REL: variants seen among roughly 807,000 people sequenced by gnomAD.
REL encodes proto-oncogene c-Rel.
Under a neutral mutation model 45.9 loss-of-function variants are expected in REL, and 15 were observed. That is an observed-to-expected ratio of 0.33 (90% confidence interval 0.22 to 0.50). The LOEUF is 0.50. Ranked by LOEUF, REL falls within the 20% of genes least tolerant of loss-of-function variation. REL has a pLI of 0.98. For synonymous variants in REL, 239 were observed against 242.1 expected (o/e 0.99, Z 0.12); for missense variants, 601 against 715.2 (o/e 0.84, Z 1.82).
In REL at chr2:60,930,139, AC is replaced by A. The variant is rs1674354601; in HGVS notation, c.*7607del. 1 of 152,266 alleles carries A rather than the reference AC, an allele frequency of 6.6e-6. No individual in the cohort carries two copies. The highest frequency in any genetic ancestry group is 1.5e-5 in the Non-Finnish European group (1 of 68,036). 9.4% of individuals were successfully genotyped at this position (152,266 alleles called of 1,614,324 possible). On this transcript the variant is annotated 3_prime_UTR_variant, in exon 10 of 10. Transcript: ENST00000394479. ...AATAGGGACTTTTTACTCAGGTAAT[AC>A]CCAGCCTGCTACCTAACAGGTTGTG... is the stretch of plus-strand genomic sequence containing the variant.
chr2:60,925,270 G>A lies in REL; in HGVS notation c.*2735G>A, dbSNP rs533691330. 2.7e-4 allele frequency: 52 copies of A among 194,814 alleles called. No homozygotes were observed. The highest frequency in any genetic ancestry group is 4.4e-4 in the Non-Finnish European group (41 of 93,610). The allele number at this position is 194,814 out of a possible 1,614,324, so 12.1% of individuals were successfully genotyped here. ...AACCATAACTTTACATAAACTAGTCGTTTCGGTCAAATAGAAAAATGTGTG... is the reference window on the plus strand; with the variant it reads ...AACCATAACTTTACATAAACTAGTCATTTCGGTCAAATAGAAAAATGTGTG... On this transcript the variant is annotated 3_prime_UTR_variant, in exon 10 of 10. Transcript: ENST00000394479.
chr2:60,890,405 T>C (rs1023447351), intron 1 of REL, among the ~76,000 whole-genome samples: 2 of 152,214 alleles, frequency 1.3e-5, no homozygotes, highest in African/African-American at 2.4e-5. Context: ...TGTTAAGAAG[T>C]AGCTGGGGTA....
chr2:60,881,653 A>T lies in REL; in HGVS notation c.-188A>T, dbSNP rs1263524120. On this transcript the variant is annotated 5_prime_UTR_variant, in exon 1 of 10. Coordinates refer to ENST00000394479, the MANE Select transcript of REL (RefSeq NM_001291746.2). ...ACGCTGGGTGACCCGGGGTGCAAGA[A>T]TTCAGGGGTTGGGAAGGTGTGAGCC... 9.5e-6 allele frequency: 5 copies of T among 527,398 alleles called. No homozygotes were observed. In the East Asian group the frequency reaches 1.7e-4, roughly 18 times the overall value. 32.7% of individuals were successfully genotyped at this position (527,398 alleles called of 1,614,324 possible). A position where few individuals can be genotyped will look rare whatever the true frequency, so the allele number is the denominator to read the frequency against.
Position 60,918,539 on chromosome 2 carries a change from G to T in REL, c.786G>T (p.Gln262His). 1 of 1,614,126 alleles carries T rather than the reference G, an allele frequency of 6.2e-7. No individual in the cohort carries two copies. Among genetic ancestry groups the T allele is most frequent in the Non-Finnish European group, 8.5e-7 (1 of 1,180,014 alleles). Residue 262 changes from glutamine (Q) to histidine (H), a missense_variant, in exon 7 of 10, where the codon CAG becomes CAT. Around this residue, in one of 4 missense-constraint regions of REL, gnomAD observed 241 missense variants for 347.0 expected, o/e 0.69. Transcript: ENST00000394479. ...AITEPVTVKM[Q>H]LRRPSDQEVS... ...CAGAACCCGTAACAGTAAAAATGCA[G>T]TTGCGGAGACCTTCTGACCAGGAAG...
Position 60,926,859 on chromosome 2 carries a change from C to T in REL, c.*4324C>T, listed in dbSNP as rs1674280176. ...TGCCTTCTTAGTAAAGGCCTTCATT[C>T]TTTTTTCCCTAGTAATAATCTTTTC... On this transcript the variant is annotated 3_prime_UTR_variant, in exon 10 of 10. Transcript: ENST00000394479. The T allele has an allele frequency of 1.3e-5, 3 of 226,818 alleles. No individual in the cohort carries two copies. The highest frequency in any genetic ancestry group is 1.8e-4 in the South Asian group (1 of 5,468). 14.1% of individuals were successfully genotyped at this position (226,818 alleles called of 1,614,324 possible). A position where few individuals can be genotyped will look rare whatever the true frequency, so the allele number is the denominator to read the frequency against.
chr2:60,924,112 A>G lies in REL; in HGVS notation c.*1577A>G, dbSNP rs1674212215. ...GAATGTTGTTCTCCCAGAAAAATGC[A>G]TAGTTCACTCTTACATCCTTCAGGT... On this transcript the variant is annotated 3_prime_UTR_variant, in exon 10 of 10. Coordinates refer to ENST00000394479, the MANE Select transcript of REL (RefSeq NM_001291746.2). The G allele has an allele frequency of 4.3e-6, 1 of 231,608 alleles. No individual in the cohort carries two copies. The allele number at this position is 231,608 out of a possible 1,614,324, so 14.3% of individuals were successfully genotyped here.
At chr2:60,887,764 T>C (rs1253755894) in intron 1 of REL, among the ~76,000 whole-genome samples, 1 of 151,510 alleles carries the variant, frequency 6.6e-6, no homozygotes, top group Admixed American at 6.6e-5. Flanking sequence ...TTCCAAGGAC[T>C]TTAAATACTC....
Position 60,931,525 on chromosome 2 carries a change from T to C in REL, c.*8990T>C, listed in dbSNP as rs958783388. ...TTGTTTTTAAAATGCCAAAATGCTG[T>C]TTATTATACAGAATATTTTATTACA... On this transcript the variant is annotated 3_prime_UTR_variant, in exon 10 of 10. Transcript: ENST00000394479. 6.6e-5 allele frequency: 10 copies of C among 152,354 alleles called. No homozygotes were observed. Among genetic ancestry groups the C allele is most frequent in the African/African-American group, 2.2e-4 (9 of 41,464 alleles). The allele number at this position is 152,354 out of a possible 1,614,324, so 9.4% of individuals were successfully genotyped here. A position where few individuals can be genotyped will look rare whatever the true frequency, so the allele number is the denominator to read the frequency against.
intron 4 of REL, among the ~76,000 whole-genome samples, chr2:60,903,893 C>CT (rs1673564886): frequency 6.6e-6 from 1 of 152,042 alleles, no homozygotes; most frequent in Non-Finnish European, 1.5e-5. Context: ...TTTCAAACTC[C>CT]TGGGGTCCAG....
chr2:60,891,845 T>A lies in REL; in HGVS notation c.153+20T>A. The A allele has an allele frequency of 6.3e-7, 1 of 1,584,748 alleles. No homozygotes were observed. Among genetic ancestry groups the A allele is most frequent in the Non-Finnish European group, 8.6e-7 (1 of 1,164,580 alleles). ...ATCCAGGTAATAGACCCTTCTTCTGTGTCTATCTCACTATTAGTTGCTTCA... is the reference window on the plus strand; with the variant it reads ...ATCCAGGTAATAGACCCTTCTTCTGAGTCTATCTCACTATTAGTTGCTTCA... On this transcript the variant is annotated intron_variant, in intron 2 of 9. Coordinates refer to ENST00000394479, the MANE Select transcript of REL (RefSeq NM_001291746.2).
chr2:60,896,389 A>G (rs1248495264), intron 3 of REL, among the ~76,000 whole-genome samples: 1 of 152,184 alleles, frequency 6.6e-6, no homozygotes, highest in Non-Finnish European at 1.5e-5. Context: ...CATGATGTGT[A>G]TATGTTAATA....
At chr2:60,895,688 G>C (rs571201145) in intron 3 of REL, among the ~76,000 whole-genome samples, 1 of 152,322 alleles carries the variant, frequency 6.6e-6, no homozygotes, top group Admixed American at 6.5e-5. Flanking sequence ...AAGACGTCTG[G>C]TAGGCAATTT....
chr2:60,914,545 T>C (rs944301716), intron 4 of REL, among the ~76,000 whole-genome samples: 1 of 152,214 alleles, frequency 6.6e-6, no homozygotes, highest in Non-Finnish European at 1.5e-5. Context: ...AATAAACTTT[T>C]ATTGAGATAC....
intron 1 of REL, among the ~76,000 whole-genome samples, chr2:60,891,114 T>G (rs547796461): frequency 6.6e-6 from 1 of 152,334 alleles, no homozygotes; most frequent in South Asian, 2.1e-4. Context: ...GGGGCTTGTT[T>G]TGATATACTG....
chr2:60,918,524 A>C lies in REL; in HGVS notation c.771A>C (p.Val257=). The change falls in exon 7 of 10, where the codon GTA becomes GTC. Residue 257 remains valine, a synonymous_variant. Transcript: ENST00000394479. The part of the protein sequence containing the change: ...PPYCKAITEP[V]TVKMQLRRPS... ...ATTGCAAAGCTATCACAGAACCCGT[A>C]ACAGTAAAAATGCAGTTGCGGAGAC... The C allele has an allele frequency of 6.2e-7, 1 of 1,614,170 alleles. No individual in the cohort carries two copies. Among genetic ancestry groups the C allele is most frequent in the Non-Finnish European group, 8.5e-7 (1 of 1,180,000 alleles).
In REL at chr2:60,920,807, T is replaced by A. The variant is rs529662118; in HGVS notation, c.991+165T>A. Among the ~76,000 whole-genome samples, 313 of 152,332 alleles carry A rather than the reference T, an allele frequency of 2.1e-3. 3 individuals carry two copies. Among genetic ancestry groups the A allele is most frequent in the Admixed American group, 2.7e-3 (41 of 15,310 alleles). On this transcript the variant is annotated intron_variant, in intron 9 of 9. Transcript: ENST00000394479. ...ATGAATTAAGCATGGCTTCTGAAGG[T>A]TGTGTTAGAAACTGATTATGTTTTT...
At chr2:60,912,753 A>G (rs1673854996) in intron 4 of REL, among the ~76,000 whole-genome samples, 1 of 152,084 alleles carries the variant, frequency 6.6e-6, no homozygotes, top group Non-Finnish European at 1.5e-5. Context: ...ATAAAAATGT[A>G]TAATTATTGA....
chr2:60,884,552 G>C (rs1183827225), intron 1 of REL, among the ~76,000 whole-genome samples: 1 of 151,918 alleles, frequency 6.6e-6, no homozygotes, highest in Non-Finnish European at 1.5e-5. Flanking sequence ...GGCAGTTGTT[G>C]CTTTTGTATA....
intron 1 of REL, among the ~76,000 whole-genome samples, chr2:60,889,543 C>A (rs1288503240): frequency 6.6e-6 from 1 of 151,912 alleles, no homozygotes; most frequent in African/African-American, 2.4e-5. Flanking sequence ...ATACATGTGC[C>A]ATGTTGGTGT....
Sources: allele counts gnomAD v4.1 joint callset (sites outside exome capture counted in the v4.1 genomes callset), GRCh38; gene constraint gnomAD v4.1.1; regional missense constraint gnomAD v4.1.1; transcripts MANE v1.5; gene names NCBI Gene and HGNC (gene_info 2026-07-23, HGNC 2026-07-21).